The following MCCC2 variants were observed in gnomAD, a reference collection of about 807,000 sequenced individuals.
MCCC2 encodes methylcrotonoyl-CoA carboxylase beta chain, mitochondrial.
Under a neutral mutation model 77.2 loss-of-function variants are expected in MCCC2, and 52 were observed. The observed-to-expected ratio is 0.67, with a 90% CI of 0.54 to 0.85. The LOEUF (loss-of-function observed/expected upper bound fraction) is 0.85. Among genes scored for constraint, MCCC2 ranks in the 40% least tolerant of loss-of-function variants. The pLI is 0.00. For synonymous variants in MCCC2, 253 were observed against 248.4 expected (o/e 1.02, Z -0.18); for missense variants, 682 against 703.2 (o/e 0.97, Z 0.34).
intron 12 of MCCC2, among the ~76,000 whole-genome samples, chr5:71,644,174 T>G (rs1747216863): frequency 6.6e-6 from 1 of 152,056 alleles, no homozygotes; most frequent in African/African-American, 2.4e-5. Flanking sequence ...CTATTAAAAA[T>G]GTACTCATTT....
intron 12 of MCCC2, among the ~76,000 whole-genome samples, chr5:71,645,351 G>A (rs985235328): frequency 6.6e-6 from 1 of 152,166 alleles, no homozygotes; most frequent in Admixed American, 6.6e-5. Flanking sequence ...AATTCAGATA[G>A]ACTAAAACAT....
At chr5:71,632,419 A>G (rs1013620478) in intron 8 of MCCC2, among the ~76,000 whole-genome samples, 1 of 152,198 alleles carries the variant, frequency 6.6e-6, no homozygotes, top group Non-Finnish European at 1.5e-5. Flanking sequence ...TTTGACAAAC[A>G]TTCATTGGGC....
At chr5:71,608,722 T>G (rs887648936) in intron 6 of MCCC2, among the ~76,000 whole-genome samples, 1 of 152,224 alleles carries the variant, frequency 6.6e-6, no homozygotes, top group Non-Finnish European at 1.5e-5. Flanking sequence ...GTACCGGTTG[T>G]TCCTTTCCAT....
rs774180632 is a variant in MCCC2 at position 71,604,406 on chromosome 5, C to T, written c.562C>T (p.Arg188Ter). The T allele has an allele frequency of 4.3e-6, 7 of 1,613,940 alleles. No homozygotes were observed. The highest frequency in any genetic ancestry group is 1.7e-5 in the Admixed American group (1 of 59,964). The change falls in exon 6 of 17, where the codon CGA (arginine) becomes TGA (stop). Residue 188 changes from arginine to a stop codon, truncating the protein, a stop_gained. Transcript: ENST00000340941. LOFTEE classifies it high-confidence loss of function. The part of the protein sequence containing the change: ...LPRQADVFPD[R>*]DHFGRTFYNQ... The stretch of plus-strand genomic sequence containing the variant: ...TCGACAAGCAGATGTGTTTCCAGAT[C>T]GAGACCACTTTGGCCGTACATTCTA...
At position 71,622,749 on chromosome 5, in the gene MCCC2, C is replaced by T. The variant is rs559801547; in HGVS notation, c.625-3891C>T. ...TGAACTCCTGGCTTCAAGCAGTCTT[C>T]CTGCCTTAGCCTCCTGAGTAGCTGG... is the stretch of plus-strand genomic sequence containing the variant. On this transcript the variant is annotated intron_variant, in intron 6 of 16. Transcript: ENST00000340941. 9.8e-5 allele frequency among the ~76,000 whole-genome samples: 15 copies of T among 152,346 alleles called. No individual in the cohort carries two copies. The South Asian group carries it at 1.7e-3, about 17-fold the overall frequency.
chr5:71,596,659 T>C (rs6453043), intron 3 of MCCC2, among the ~76,000 whole-genome samples: 114,144 of 152,030 alleles, frequency 0.75, 43,554 homozygotes, highest in East Asian at 0.87. Context: ...CTGTAACTTC[T>C]GGCTGGGTGT....
At chr5:71,597,050 G>T (rs550400434) in intron 3 of MCCC2, among the ~76,000 whole-genome samples, 2 of 152,138 alleles carry the variant, frequency 1.3e-5, no homozygotes, top group African/African-American at 4.8e-5. Flanking sequence ...GCAAGTTGCA[G>T]TTTTAAGAGG....
chr5:71,626,983 A>G (rs1182152035), intron 7 of MCCC2, among the ~76,000 whole-genome samples: 1 of 152,096 alleles, frequency 6.6e-6, no homozygotes, highest in Non-Finnish European at 1.5e-5. Flanking sequence ...CCCCAACTGA[A>G]ATTCTCCCTA....
chr5:71,640,809 A>G lies in MCCC2; in HGVS notation c.1000-194A>G, dbSNP rs900105383. ...GGTGCTGTTGCTTGTATAGTGAAGT[A>G]TAAAATCAGAACCCAGAATGACTTC... is the stretch of plus-strand genomic sequence containing the variant. On this transcript the variant is annotated intron_variant, in intron 10 of 16. Transcript: ENST00000340941. Among the ~76,000 whole-genome samples, 3 of 152,220 alleles carry G rather than the reference A, an allele frequency of 2.0e-5. No individual in the cohort carries two copies. The East Asian group carries it at 5.8e-4, about 29-fold the overall frequency.
chr5:71,633,845 T>C (rs1412904273), intron 8 of MCCC2, among the ~76,000 whole-genome samples: 1 of 152,250 alleles, frequency 6.6e-6, no homozygotes, highest in African/African-American at 2.4e-5. Flanking sequence ...TGGTATTATG[T>C]ATGAAGCATT....
intron 13 of MCCC2, among the ~76,000 whole-genome samples, chr5:71,647,011 T>C (rs529998767): frequency 1.3e-5 from 2 of 152,328 alleles, no homozygotes; most frequent in African/African-American, 2.4e-5. Context: ...TCTCTGGACT[T>C]TACTCCAGAG....
intron 11 of MCCC2, chr5:71,641,298 T>G: frequency 1.8e-6 from 1 of 548,102 alleles, no homozygotes; most frequent in Non-Finnish European, 3.3e-6. Context: ...TGCTGTGGTG[T>G]GGGTCCCTAT....
chr5:71,634,240 T>C (rs979421916), intron 8 of MCCC2, among the ~76,000 whole-genome samples: 1 of 152,220 alleles, frequency 6.6e-6, no homozygotes, highest in Non-Finnish European at 1.5e-5. Context: ...GGCCATCTAA[T>C]TGGGACAGGA....
chr5:71,600,902 A>G (rs985870513), intron 4 of MCCC2, among the ~76,000 whole-genome samples: 3 of 152,074 alleles, frequency 2.0e-5, no homozygotes, highest in Non-Finnish European at 2.9e-5. Flanking sequence ...TTTATATTCT[A>G]TAAGTTTAGC....
chr5:71,596,708 G>A (rs1234058395), intron 3 of MCCC2, among the ~76,000 whole-genome samples: 3 of 152,214 alleles, frequency 2.0e-5, no homozygotes, highest in African/African-American at 7.2e-5. Flanking sequence ...TTGGGAGGCC[G>A]AGGTGGGCGG....
At chr5:71,637,941 G>T (rs185559764) in intron 10 of MCCC2, among the ~76,000 whole-genome samples, 1 of 151,802 alleles carries the variant, frequency 6.6e-6, no homozygotes, top group Admixed American at 6.6e-5. Context: ...CTTGATCTCC[G>T]GACTTCATGA....
intron 16 of MCCC2, among the ~76,000 whole-genome samples, chr5:71,654,912 G>A (rs1387654678): frequency 6.7e-6 from 1 of 149,960 alleles, no homozygotes; most frequent in East Asian, 2.0e-4. Flanking sequence ...TCGGCTCACT[G>A]CAACTTCCGC....
intron 10 of MCCC2, among the ~76,000 whole-genome samples, chr5:71,637,119 G>C (rs965433599): frequency 4.6e-5 from 7 of 152,170 alleles, no homozygotes; most frequent in African/African-American, 9.7e-5. Flanking sequence ...ATTATTCTAT[G>C]TATAAGTCTA....
chr5:71,646,320 G>A (rs763447743), intron 13 of MCCC2, 43 bp downstream of exon 13: 2 of 1,571,222 alleles, frequency 1.3e-6, no homozygotes, highest in Non-Finnish European at 8.8e-7. Context: ...TGATTCCAGA[G>A]CTGTACCATC....
Sources: allele counts gnomAD v4.1 joint callset (sites outside exome capture counted in the v4.1 genomes callset), GRCh38; gene constraint gnomAD v4.1.1; transcripts MANE v1.5; gene names NCBI Gene and HGNC (gene_info 2026-07-23, HGNC 2026-07-21).